The following SERGEF variants were observed in gnomAD, a reference collection of about 807,000 sequenced individuals.
The protein encoded by SERGEF is secretion regulating guanine nucleotide exchange factor, also known as secretion-regulating guanine nucleotide exchange factor.
SERGEF carries 51 observed loss-of-function variants against 50.0 expected under a neutral mutation model. The ratio of observed to expected loss-of-function variants is 1.02; its 90% CI spans 0.81 to 1.29. The LOEUF (loss-of-function observed/expected upper bound fraction) is 1.29, where lower values mean the gene tolerates loss of function less well. Among genes scored for constraint, SERGEF ranks in the 50% most tolerant of loss-of-function variants. The pLI is 0.00. For synonymous variants in SERGEF, 205 were observed against 212.4 expected (o/e 0.97, Z 0.30); for missense variants, 521 against 557.0 (o/e 0.94, Z 0.65).
At chr11:17,881,511 A>G (rs2133901179) in intron 9 of SERGEF, among the ~76,000 whole-genome samples, 1 of 152,334 alleles carries the variant, frequency 6.6e-6, no homozygotes, top group Middle Eastern at 3.4e-3. Context: ...AACTGTATCA[A>G]TGACCATTTG....
At position 17,861,356 on chromosome 11, in the gene SERGEF, G is replaced by A. The variant is rs185086573; in HGVS notation, c.1048+16852C>T. 7.9e-5 allele frequency among the ~76,000 whole-genome samples: 12 copies of A among 152,320 alleles called. No homozygotes were observed. In the East Asian group the frequency reaches 2.3e-3, roughly 29 times the overall value. On this transcript the variant is annotated intron_variant, in intron 10 of 10. Transcript: ENST00000265965. ...GGATGAGAAACCCACAGTTTAGAGAGGGTGGCAATCTTGCCCGTGGTCAGA... is the reference window on the plus strand; with the variant it reads ...GGATGAGAAACCCACAGTTTAGAGAAGGTGGCAATCTTGCCCGTGGTCAGA...
intron 9 of SERGEF, among the ~76,000 whole-genome samples, chr11:17,910,019 A>C (rs1302186091): frequency 2.0e-5 from 3 of 152,198 alleles, no homozygotes; most frequent in African/African-American, 7.2e-5. Flanking sequence ...CAGACAAGTC[A>C]GAACACTGCC....
At chr11:17,937,411 C>T (rs764472868) in intron 9 of SERGEF, among the ~76,000 whole-genome samples, 1 of 152,006 alleles carries the variant, frequency 6.6e-6, no homozygotes, top group African/African-American at 2.4e-5. Context: ...GTGGTGCGTG[C>T]CTATAGTCCC....
chr11:17,872,188 A>C (rs1435828381), intron 10 of SERGEF, among the ~76,000 whole-genome samples: 1 of 152,212 alleles, frequency 6.6e-6, no homozygotes, highest in African/African-American at 2.4e-5. Flanking sequence ...TTGGAGACAG[A>C]AGTCAGAAGA....
At chr11:17,858,269 C>T (rs996029479) in intron 10 of SERGEF, among the ~76,000 whole-genome samples, 8 of 152,010 alleles carry the variant, frequency 5.3e-5, no homozygotes, top group African/African-American at 1.9e-4. Flanking sequence ...TATTATCTGG[C>T]GAAACTGACC....
chr11:18,006,838 C>G (rs1308731402), intron 2 of SERGEF, 92 bp from the exon 3 acceptor site: 1 of 1,441,240 alleles, frequency 6.9e-7, no homozygotes, highest in African/African-American at 1.4e-5. Flanking sequence ...TTTGGACTCT[C>G]AGACCAATAA....
Position 17,865,163 on chromosome 11 carries a change from T to TACTGCC in SERGEF, c.1048+13039_1048+13044dup, listed in dbSNP as rs1395238403. ...GGGAGCTGAAAAAATTCCTATTGCCTACTGCCATAGTAGCTGTGATAATGT... is the reference window on the plus strand; with the variant it reads ...GGGAGCTGAAAAAATTCCTATTGCCTACTGCCACTGCCATAGTAGCTGTGATAATGT... On this transcript the variant is annotated intron_variant, in intron 10 of 10. Transcript: ENST00000265965. Among the ~76,000 whole-genome samples, 9 of 152,326 alleles carry TACTGCC rather than the reference T, an allele frequency of 5.9e-5. No homozygotes were observed. In the East Asian group the frequency reaches 1.2e-3, roughly 20 times the overall value.
At chr11:18,012,055 A>T (rs895188809) in intron 1 of SERGEF, among the ~76,000 whole-genome samples, 1 of 152,014 alleles carries the variant, frequency 6.6e-6, no homozygotes, top group Non-Finnish European at 1.5e-5. Flanking sequence ...TTTCCCCAAC[A>T]CCAGCACATG....
chr11:17,972,664 T>C (rs1226053409), intron 8 of SERGEF, among the ~76,000 whole-genome samples: 1 of 152,204 alleles, frequency 6.6e-6, no homozygotes, highest in East Asian at 1.9e-4. Flanking sequence ...TTTATTGCTG[T>C]AGTCTGGGAC....
At chr11:17,883,610 C>A (rs1851375482) in intron 9 of SERGEF, among the ~76,000 whole-genome samples, 1 of 152,170 alleles carries the variant, frequency 6.6e-6, no homozygotes, top group Non-Finnish European at 1.5e-5. Flanking sequence ...ATTCTGTGAT[C>A]CTTCAGGTTC....
At chr11:17,807,649 G>A (rs1379385588) in intron 10 of SERGEF, among the ~76,000 whole-genome samples, 3 of 152,234 alleles carry the variant, frequency 2.0e-5, no homozygotes, top group African/African-American at 7.2e-5. Context: ...CACAGCACTT[G>A]CATTTGTTGG....
intron 9 of SERGEF, among the ~76,000 whole-genome samples, chr11:17,902,189 A>AGTCC (rs2133921231): frequency 1.2e-5 from 1 of 82,490 alleles, no homozygotes; most frequent in African/African-American, 6.0e-5. Context: ...AGACAGGAGT[A>AGTCC]GTCCACTTTG....
chr11:17,847,709 G>A (rs894394378), intron 10 of SERGEF, among the ~76,000 whole-genome samples: 2 of 152,140 alleles, frequency 1.3e-5, no homozygotes, highest in African/African-American at 4.8e-5. Context: ...AAAGAATTAG[G>A]AAGATTTTAA....
At chr11:17,966,768 T>C (rs1401891668) in intron 8 of SERGEF, among the ~76,000 whole-genome samples, 1 of 152,084 alleles carries the variant, frequency 6.6e-6, no homozygotes, top group East Asian at 1.9e-4. Flanking sequence ...AGAAATAAGA[T>C]TTCCAAATAC....
chr11:17,913,420 T>C (rs1375844602), intron 9 of SERGEF, among the ~76,000 whole-genome samples: 1 of 152,238 alleles, frequency 6.6e-6, no homozygotes, highest in Admixed American at 6.5e-5. Context: ...GGAGGCAGGA[T>C]GTTGTTAGTA....
chr11:17,895,645 A>G (rs1368815947), intron 9 of SERGEF, among the ~76,000 whole-genome samples: 1 of 152,214 alleles, frequency 6.6e-6, no homozygotes, highest in East Asian at 1.9e-4. Flanking sequence ...ACATATACAT[A>G]TACATAATAA....
intron 9 of SERGEF, among the ~76,000 whole-genome samples, chr11:17,948,202 A>C (rs1249832893): frequency 6.6e-6 from 1 of 152,232 alleles, no homozygotes; most frequent in Non-Finnish European, 1.5e-5. Context: ...TTCGTTTCCG[A>C]AAAACCAATG....
chr11:17,918,358 T>C (rs1167347009), intron 9 of SERGEF, among the ~76,000 whole-genome samples: 4 of 152,320 alleles, frequency 2.6e-5, no homozygotes, highest in African/African-American at 9.6e-5. Flanking sequence ...GCATTCTGAA[T>C]TACAGCACCA....
chr11:18,006,806 A>T, intron 2 of SERGEF, 60 bp from the exon 3 acceptor site: 1 of 1,564,976 alleles, frequency 6.4e-7, no homozygotes, highest in Non-Finnish European at 8.7e-7. Context: ...CTGCAAAATG[A>T]ACAAAAAGAT....
Sources: allele counts gnomAD v4.1 joint callset (sites outside exome capture counted in the v4.1 genomes callset), GRCh38; gene constraint gnomAD v4.1.1; transcripts MANE v1.5; gene names NCBI Gene and HGNC (gene_info 2026-07-23, HGNC 2026-07-21).